SLC25A13: variants seen among roughly 807,000 people sequenced by gnomAD.
SLC25A13 encodes the protein solute carrier family 25 member 13.
SLC25A13 carries 70 observed loss-of-function variants against 85.5 expected under a neutral mutation model. The ratio of observed to expected loss-of-function variants is 0.82; its 90% CI spans 0.68 to 1.00. SLC25A13 has a LOEUF of 1.00. Ranked by LOEUF, SLC25A13 falls within the 50% of genes least tolerant of loss-of-function variation. The pLI is 0.00. For synonymous variants in SLC25A13, 259 were observed against 288.7 expected (o/e 0.90, Z 1.04); for missense variants, 765 against 819.8 (o/e 0.93, Z 0.82).
intron 2 of SLC25A13, among the ~76,000 whole-genome samples, chr7:96,286,793 G>C (rs1055520913): frequency 2.6e-5 from 4 of 152,128 alleles, no homozygotes; most frequent in Admixed American, 2.6e-4. Flanking sequence ...AATGAAAAGG[G>C]CAGAATTGGG....
At chr7:96,129,336 G>A (rs573226937) in intron 15 of SLC25A13, among the ~76,000 whole-genome samples, 116 of 152,286 alleles carry the variant, frequency 7.6e-4, no homozygotes, top group African/African-American at 2.7e-3. Flanking sequence ...CAACAGGATG[G>A]CAAGAGGGCT....
chr7:96,205,683 T>C (rs1795432265), intron 5 of SLC25A13, among the ~76,000 whole-genome samples: 1 of 152,150 alleles, frequency 6.6e-6, no homozygotes, highest in African/African-American at 2.4e-5. Context: ...GATTTACCAC[T>C]TGCAAAGTAC....
intron 13 of SLC25A13, among the ~76,000 whole-genome samples, chr7:96,162,737 A>T (rs1400070196): frequency 6.6e-6 from 1 of 152,216 alleles, no homozygotes; most frequent in Admixed American, 6.5e-5. Context: ...GAAGTTATGG[A>T]TTAGAATAGT....
At chr7:96,209,322 C>T (rs1795596483) in intron 4 of SLC25A13, among the ~76,000 whole-genome samples, 1 of 144,734 alleles carries the variant, frequency 6.9e-6, no homozygotes, top group Non-Finnish European at 1.5e-5. Flanking sequence ...GTACAGAGGA[C>T]AGAATTCAAT....
intron 4 of SLC25A13, among the ~76,000 whole-genome samples, chr7:96,223,616 C>A (rs979604062): frequency 6.6e-6 from 1 of 151,986 alleles, no homozygotes; most frequent in African/African-American, 2.4e-5. Context: ...CGGTGAAACC[C>A]CATCTCTACT....
chr7:96,129,294 T>C (rs1791902942), intron 15 of SLC25A13, among the ~76,000 whole-genome samples: 1 of 152,218 alleles, frequency 6.6e-6, no homozygotes, highest in African/African-American at 2.4e-5. Context: ...CATGCAGTAA[T>C]AGATAACAAA....
intron 3 of SLC25A13, among the ~76,000 whole-genome samples, chr7:96,238,275 C>T (rs1796818496): frequency 6.6e-6 from 1 of 152,122 alleles, no homozygotes; most frequent in African/African-American, 2.4e-5. Flanking sequence ...TGCCCGCCCA[C>T]CACCAGAAGA....
At chr7:96,205,098 T>C (rs1458166605) in intron 5 of SLC25A13, among the ~76,000 whole-genome samples, 2 of 152,070 alleles carry the variant, frequency 1.3e-5, no homozygotes, top group Non-Finnish European at 2.9e-5. Context: ...TTGGTAGAGA[T>C]GGGGTTTCAC....
intron 15 of SLC25A13, among the ~76,000 whole-genome samples, chr7:96,128,972 C>CTCTCTCTG: frequency 6.6e-6 from 1 of 150,486 alleles, no homozygotes; most frequent in Non-Finnish European, 1.5e-5. Context: ...CTCTCTCTCT[C>CTCTCTCTG]TCTCTCTCTC....
At position 96,191,072 on chromosome 7, in the gene SLC25A13, T is replaced by C. The variant is rs767367454; in HGVS notation, c.754+37A>G. The C allele has an allele frequency of 1.9e-6, 3 of 1,613,036 alleles. No individual in the cohort carries two copies. The East Asian group carries it at 6.7e-5, about 36-fold the overall frequency. The stretch of plus-strand genomic sequence containing the variant: ...TCACCCTAATAATAATACACCACAA[T>C]ACTTGCAGGCTAGAATTCAGATATA... On this transcript the variant is annotated intron_variant, in intron 7 of 17. Coordinates refer to ENST00000265631, the MANE Select transcript of SLC25A13 (RefSeq NM_014251.3).
chr7:96,310,378 C>T (rs981141905), intron 1 of SLC25A13, among the ~76,000 whole-genome samples: 7 of 152,124 alleles, frequency 4.6e-5, no homozygotes, highest in South Asian at 2.1e-4. Flanking sequence ...TGTTTCCTCA[C>T]GATTAGATCC....
intron 3 of SLC25A13, among the ~76,000 whole-genome samples, chr7:96,257,274 G>C (rs1012374633): frequency 2.6e-5 from 4 of 152,066 alleles, no homozygotes; most frequent in African/African-American, 9.7e-5. Flanking sequence ...ATGAATCCAG[G>C]AGCTGGTTTT....
At chr7:96,169,435 C>T (rs538739763) in intron 13 of SLC25A13, among the ~76,000 whole-genome samples, 29 of 143,338 alleles carry the variant, frequency 2.0e-4, no homozygotes, top group South Asian at 4.8e-4. Context: ...TATTTACATT[C>T]GCATGAACAA....
chr7:96,301,988 A>G (rs966678433), intron 1 of SLC25A13, among the ~76,000 whole-genome samples: 1 of 152,168 alleles, frequency 6.6e-6, no homozygotes, highest in African/African-American at 2.4e-5. Context: ...TAAACTGGGA[A>G]AAGTCTATCA....
At chr7:96,183,933 C>T (rs1273058847) in intron 11 of SLC25A13, among the ~76,000 whole-genome samples, 5 of 152,058 alleles carry the variant, frequency 3.3e-5, no homozygotes, top group Non-Finnish European at 7.4e-5. Flanking sequence ...TAGGCTTTGT[C>T]CTGGTGGCAG....
chr7:96,305,521 G>A lies in SLC25A13; in HGVS notation c.16-8570C>T, dbSNP rs139715768. Among the ~76,000 whole-genome samples, 166 of 152,148 alleles carry A rather than the reference G, an allele frequency of 1.1e-3. 1 individual carries two copies. The highest frequency in any genetic ancestry group is 3.3e-3 in the African/African-American group (136 of 41,508). On this transcript the variant is annotated intron_variant, in intron 1 of 17. Transcript: ENST00000265631. ...AACCAGCTGCAATTGTAATTACCAC[G>A]CCCAATATAATTTGTTACATATTAG...
intron 1 of SLC25A13, among the ~76,000 whole-genome samples, chr7:96,301,151 G>A (rs1299158734): frequency 1.3e-5 from 2 of 152,214 alleles, no homozygotes; most frequent in Non-Finnish European, 1.5e-5. Context: ...ATTCAGAACA[G>A]CTGTCCAGCA....
intron 1 of SLC25A13, among the ~76,000 whole-genome samples, chr7:96,303,425 T>C (rs778443880): frequency 6.6e-6 from 1 of 152,052 alleles, no homozygotes; most frequent in African/African-American, 2.4e-5. Flanking sequence ...CAGTCCTGCA[T>C]AGTCTTTTGA....
intron 2 of SLC25A13, among the ~76,000 whole-genome samples, chr7:96,294,698 G>A (rs1332437251): frequency 1.3e-5 from 2 of 152,084 alleles, no homozygotes; most frequent in Non-Finnish European, 2.9e-5. Context: ...GTTTTTAAGA[G>A]ACAGGGTCTC....
Sources: allele counts gnomAD v4.1 joint callset (sites outside exome capture counted in the v4.1 genomes callset), GRCh38; gene constraint gnomAD v4.1.1; transcripts MANE v1.5; gene names NCBI Gene and HGNC (gene_info 2026-07-23, HGNC 2026-07-21).